Variants in THADA observed in about 807,000 individuals in gnomAD.
THADA encodes tRNA (32-2'-O)-methyltransferase regulator THADA.
A neutral mutation model predicts 219.8 loss-of-function variants in THADA; 213 were observed. The observed-to-expected ratio is 0.97, with a 90% CI of 0.87 to 1.09. THADA has a LOEUF of 1.09. Among genes scored for constraint, THADA ranks in the 50% least tolerant of loss-of-function variants. THADA has a pLI of 0.00. For synonymous variants in THADA, 1,018 were observed against 828.9 expected (o/e 1.23, Z -3.92); for missense variants, 2,956 against 2,311.3 (o/e 1.28, Z -5.72).
chr2:43,310,216 TCC>T (rs1677331579), intron 31 of THADA, among the ~76,000 whole-genome samples: 5 of 14,478 alleles, frequency 3.5e-4, no homozygotes, highest in African/African-American at 7.6e-4. Flanking sequence ...CCTCCCTCCC[TCC>T]CTTTCCCGCC....
intron 29 of THADA, among the ~76,000 whole-genome samples, chr2:43,376,242 C>T (rs764981684): frequency 6.6e-6 from 1 of 152,232 alleles, no homozygotes. Context: ...GCTGTATGCA[C>T]TCCTGAAGTA....
chr2:43,534,262 G>A (rs1343387377), intron 21 of THADA, among the ~76,000 whole-genome samples: 1 of 152,062 alleles, frequency 6.6e-6, no homozygotes, highest in Non-Finnish European at 1.5e-5. Flanking sequence ...ATAATAAATA[G>A]TGATCAGATC....
At chr2:43,501,700 T>C (rs1192887385) in intron 24 of THADA, among the ~76,000 whole-genome samples, 2 of 152,164 alleles carry the variant, frequency 1.3e-5, no homozygotes, top group Non-Finnish European at 2.9e-5. Context: ...TCCCAGCACT[T>C]TGGGAGGCCT....
chr2:43,339,962 T>TAA (rs1001451935), intron 30 of THADA, among the ~76,000 whole-genome samples: 1 of 149,248 alleles, frequency 6.7e-6, no homozygotes, highest in African/African-American at 2.5e-5. Context: ...ATAAAAAACT[T>TAA]AAAAAAAAAA....
rs1327806763 is a variant in THADA at position 43,574,974 on chromosome 2, G to C, written c.1091C>G (p.Thr364Ser). 6 of 1,613,838 alleles carry C rather than the reference G, an allele frequency of 3.7e-6. No individual in the cohort carries two copies. In the African/African-American group the frequency reaches 6.7e-5, roughly 18 times the overall value. ...MFLSRILASW[T>S]NSAIQVLESS... Reference sequence around the variant, plus strand: ...TTCAAGGACTTGTATGGCTGAATTAGTCCAGGATGCTAAGATTCTAGACAG... The same window carrying C: ...TTCAAGGACTTGTATGGCTGAATTACTCCAGGATGCTAAGATTCTAGACAG... Residue 364 changes from threonine (T) to serine (S), a missense_variant, in exon 11 of 38, where the codon ACT (threonine) becomes AGT (serine). Physicochemically the swap from Thr to Ser is moderately conservative, Grantham distance 58. Transcript: ENST00000405975.
intron 25 of THADA, chr2:43,486,474 G>A (rs965445528): frequency 6.6e-6 from 1 of 152,144 alleles, no homozygotes. Flanking sequence ...CAGCACCATG[G>A]ATAAGATCCA....
chr2:43,499,000 C>T (rs1174732543), intron 24 of THADA, 45 bp from the exon 25 acceptor site: 4 of 1,540,602 alleles, frequency 2.6e-6, no homozygotes, highest in African/African-American at 2.8e-5. Context: ...AAAACCATGG[C>T]TAATTCTAAA....
At chr2:43,541,121 C>T (rs758355995) in intron 21 of THADA, 38 bp downstream of exon 21, 4 of 1,461,202 alleles carry the variant, frequency 2.7e-6, no homozygotes, top group Middle Eastern at 1.8e-4. Flanking sequence ...TATGCGTTGA[C>T]CAGAAATTAT....
chr2:43,231,185 C>T lies in THADA; in HGVS notation c.5625G>A (p.Val1875=), dbSNP rs1277323756. The T allele has an allele frequency of 4.3e-6, 7 of 1,613,746 alleles. No homozygotes were observed. In the Admixed American group the frequency reaches 1.0e-4, roughly 23 times the overall value. ...PEMLCHLQRM[V]SEQCHLLSQF... is the part of the protein sequence containing the mutation. ...GAGACAGGAGGTGGCACTGCTCTGA[C>T]ACCATCCTTTGAAGGTGACAGAGCA... The change falls in exon 38 of 38, where the codon GTG becomes GTA. Residue 1875 remains valine, a synonymous_variant. Coordinates refer to ENST00000405975, the MANE Select transcript of THADA (RefSeq NM_022065.5).
At chr2:43,427,896 C>CA (rs974432041) in intron 28 of THADA, among the ~76,000 whole-genome samples, 5 of 149,576 alleles carry the variant, frequency 3.3e-5, no homozygotes, top group African/African-American at 1.2e-4. Flanking sequence ...GGGGAGCTTG[C>CA]AGTGAGCCGA....
chr2:43,546,946 G>C (rs1232718724), intron 20 of THADA, among the ~76,000 whole-genome samples: 2 of 152,138 alleles, frequency 1.3e-5, no homozygotes, highest in African/African-American at 4.8e-5. Context: ...CTCGTTAGTT[G>C]ATGCAGTTTC....
intron 29 of THADA, among the ~76,000 whole-genome samples, chr2:43,380,262 T>C (rs927057209): frequency 2.6e-5 from 4 of 152,272 alleles, no homozygotes; most frequent in Admixed American, 6.5e-5. Flanking sequence ...CTTTGGAAAA[T>C]GATGTTCTGA....
intron 7 of THADA, among the ~76,000 whole-genome samples, chr2:43,583,040 C>T (rs1436286077): frequency 6.6e-6 from 1 of 152,158 alleles, no homozygotes; most frequent in East Asian, 1.9e-4. Context: ...CTCTCCTTTG[C>T]TGATCTCTTT....
At chr2:43,304,828 A>C (rs1454280471) in intron 31 of THADA, among the ~76,000 whole-genome samples, 1 of 151,948 alleles carries the variant, frequency 6.6e-6, no homozygotes, top group East Asian at 1.9e-4. Context: ...CCAGCCATCA[A>C]GCCTGGCTAA....
chr2:43,512,467 C>CA (rs1574013118), intron 22 of THADA, among the ~76,000 whole-genome samples: 17 of 152,188 alleles, frequency 1.1e-4, no homozygotes, highest in Admixed American at 1.1e-3. Flanking sequence ...ACATTTTAAA[C>CA]AAAATCTACT....
intron 26 of THADA, among the ~76,000 whole-genome samples, chr2:43,440,817 A>G (rs1164757047): frequency 6.6e-6 from 1 of 152,212 alleles, no homozygotes; most frequent in Non-Finnish European, 1.5e-5. Context: ...CTAATAGATA[A>G]CTGGCTCTGC....
chr2:43,436,925 A>G (rs1313025367), intron 26 of THADA, among the ~76,000 whole-genome samples: 2 of 152,192 alleles, frequency 1.3e-5, no homozygotes, highest in African/African-American at 4.8e-5. Flanking sequence ...GGGTGGCTGT[A>G]AGCAAATTTC....
chr2:43,429,481 G>A (rs976794150), intron 27 of THADA, among the ~76,000 whole-genome samples: 4 of 152,050 alleles, frequency 2.6e-5, no homozygotes, highest in Non-Finnish European at 5.9e-5. Context: ...GTGTTTCCAA[G>A]AACACTGGCC....
At position 43,560,373 on chromosome 2, in the gene THADA, G is replaced by T; in HGVS notation, c.2324C>A (p.Thr775Lys). The change falls in exon 16 of 38, where the codon ACA (threonine) becomes AAA (lysine). Residue 775 changes from threonine to lysine, a missense_variant. Physicochemically the swap from Thr to Lys is moderately conservative, Grantham distance 78 (BLOSUM62 -1). Transcript: ENST00000405975. ...VFHVPEGRIY[T>K]VYQLSHDIDV... ...AATATCATGACTCAGCTGATATACT[G>T]TATAAATTCTGCCTAAAAATATTTT... 1 of 1,545,884 alleles carries T rather than the reference G, an allele frequency of 6.5e-7. No homozygotes were observed.
Sources: allele counts gnomAD v4.1 joint callset (sites outside exome capture counted in the v4.1 genomes callset), GRCh38; gene constraint gnomAD v4.1.1; transcripts MANE v1.5; gene names NCBI Gene and HGNC (gene_info 2026-07-23, HGNC 2026-07-21).